Variants in VWA3B observed in about 807,000 individuals in gnomAD.
The protein encoded by VWA3B is von Willebrand factor A domain containing 3B.
VWA3B carries 138 observed loss-of-function variants against 158.3 expected under a neutral mutation model. The ratio of observed to expected loss-of-function variants is 0.87; its 90% CI spans 0.76 to 1.00. The LOEUF is 1.00. Ranked by LOEUF, VWA3B falls within the 50% of genes least tolerant of loss-of-function variation. The pLI is 0.00. For missense variants in VWA3B, 1,555 were observed against 1,565.1 expected, an observed-to-expected ratio of 0.99 and a Z score of 0.11; for synonymous variants, 596 against 587.3, an observed-to-expected ratio of 1.01 and a Z score of -0.21.
At chr2:98,153,253 AAATAT>A (rs1032897217) in intron 7 of VWA3B, among the ~76,000 whole-genome samples, 1 of 152,252 alleles carries the variant, frequency 6.6e-6, no homozygotes, top group Admixed American at 6.5e-5. Context: ...TCAAAAGAAT[AAATAT>A]TAGGTAATAG....
chr2:98,171,590 C>T lies in VWA3B; in HGVS notation c.1114+8614C>T, dbSNP rs141835278. On this transcript the variant is annotated intron_variant, in intron 8 of 27. Transcript: ENST00000477737. The stretch of plus-strand genomic sequence containing the variant: ...ACCCGATTGTGCTGGCTCTGGAGGC[C>T]GCGGTACAGGGGTTCACCCTCAATT... Among the ~76,000 whole-genome samples, 34 of 152,014 alleles carry T rather than the reference C, an allele frequency of 2.2e-4. 2 individuals carry two copies. The East Asian group carries it at 6.2e-3, about 28-fold the overall frequency.
intron 12 of VWA3B, among the ~76,000 whole-genome samples, chr2:98,196,403 G>C (rs943139262): frequency 1.3e-5 from 2 of 152,080 alleles, no homozygotes; most frequent in Non-Finnish European, 2.9e-5. Context: ...TCAATTAAAA[G>C]TAAATTAATT....
intron 20 of VWA3B, among the ~76,000 whole-genome samples, chr2:98,254,438 A>G (rs1193085851): frequency 6.6e-6 from 1 of 152,188 alleles, no homozygotes; most frequent in Non-Finnish European, 1.5e-5. Flanking sequence ...GATACCTAAA[A>G]TGCGTACTAT....
chr2:98,319,427 T>C, the VWA3B span, among the ~76,000 whole-genome samples: 441 of 152,210 alleles, frequency 2.9e-3, no homozygotes, highest in African/African-American at 0.01. Context: ...CTGGAGTCTG[T>C]AAAATACAAA....
intron 12 of VWA3B, among the ~76,000 whole-genome samples, chr2:98,195,600 C>G (rs1344907085): frequency 2.0e-5 from 3 of 151,506 alleles, no homozygotes; most frequent in Non-Finnish European, 4.4e-5. Context: ...TTTTTCTGTC[C>G]TTTTATGACA....
chr2:98,184,961 A>G (rs1327569472), intron 9 of VWA3B, among the ~76,000 whole-genome samples: 1 of 152,170 alleles, frequency 6.6e-6, no homozygotes, highest in African/African-American at 2.4e-5. Flanking sequence ...CATTGGCTCC[A>G]ACACCTGCTT....
chr2:98,256,256 T>C (rs1459754966), intron 21 of VWA3B, 82 bp downstream of exon 21: 1 of 1,431,460 alleles, frequency 7.0e-7, no homozygotes, highest in Admixed American at 2.1e-5. Flanking sequence ...AAGTGTACAA[T>C]GCAGAGGTAT....
In VWA3B at chr2:98,180,258, A is replaced by T. The variant is rs1302659469; in HGVS notation, c.1115-758A>T. 4.6e-5 allele frequency among the ~76,000 whole-genome samples: 7 copies of T among 150,804 alleles called. No individual in the cohort carries two copies. In the East Asian group the frequency reaches 7.8e-4, roughly 17 times the overall value. On this transcript the variant is annotated intron_variant, in intron 8 of 27. Transcript: ENST00000477737. ...TGCCCAGGCTGGAGCGCAGTGGTGC[A>T]TTCTCGGCTCACCGCAACCTCCGCC... is the stretch of plus-strand genomic sequence containing the variant.
chr2:98,303,899 G>T, intron 26 of VWA3B, 97 bp downstream of exon 26: 1 of 1,170,548 alleles, frequency 8.5e-7, no homozygotes, highest in African/African-American at 1.5e-5. Context: ...AAATACTAGG[G>T]AAGAAAAGTA....
chr2:98,205,788 T>A (rs553184369), intron 12 of VWA3B, among the ~76,000 whole-genome samples: 1 of 152,346 alleles, frequency 6.6e-6, no homozygotes, highest in East Asian at 1.9e-4. Context: ...GGCCATGAAT[T>A]ATTCAAAGCA....
rs187420836 is a variant in VWA3B at position 98,302,728 on chromosome 2, G to A, written c.3421-974G>A. Among the ~76,000 whole-genome samples, 530 of 152,310 alleles carry A rather than the reference G, an allele frequency of 3.5e-3. 3 individuals carry two copies. The highest frequency in any genetic ancestry group is 0.012 in the African/African-American group (515 of 41,556). The stretch of plus-strand genomic sequence containing the variant: ...GTAGGCATTCGAACACAGACAATCT[G>A]GCTCCATGGCCTACCCTCTAAACTA... On this transcript the variant is annotated intron_variant, in intron 25 of 27. Coordinates refer to ENST00000477737, the MANE Select transcript of VWA3B (RefSeq NM_144992.5).
intron 2 of VWA3B, among the ~76,000 whole-genome samples, chr2:98,101,037 G>T (rs1315922198): frequency 6.6e-6 from 1 of 152,136 alleles, no homozygotes; most frequent in African/African-American, 2.4e-5. Context: ...AAAATAAATA[G>T]AAGTTATTTG....
chr2:98,224,299 T>C (rs186399835), intron 14 of VWA3B, among the ~76,000 whole-genome samples: 239 of 152,208 alleles, frequency 1.6e-3, no homozygotes, highest in African/African-American at 5.4e-3. Flanking sequence ...TATGGGGAGA[T>C]ATAATAGATC....
intron 21 of VWA3B, among the ~76,000 whole-genome samples, chr2:98,259,529 A>T (rs142471068): frequency 5.8e-4 from 88 of 151,908 alleles, no homozygotes; most frequent in African/African-American, 2.0e-3. Flanking sequence ...TTTTTGGCAT[A>T]GAACTATTCA....
intron 21 of VWA3B, among the ~76,000 whole-genome samples, chr2:98,262,533 TC>T (rs919433208): frequency 6.6e-5 from 10 of 151,822 alleles, no homozygotes; most frequent in African/African-American, 2.4e-4. Flanking sequence ...CTGTCGTTTT[TC>T]CTTTGTGTAG....
chr2:98,133,765 ACAAG>A (rs1173978388), intron 6 of VWA3B, 55 bp from the exon 7 acceptor site: 2 of 1,457,800 alleles, frequency 1.4e-6, no homozygotes, highest in Admixed American at 3.4e-5. Context: ...AGGAGAAGGA[ACAAG>A]CATGCACGGA....
intron 21 of VWA3B, among the ~76,000 whole-genome samples, chr2:98,258,708 T>G (rs1226693347): frequency 6.6e-6 from 1 of 151,900 alleles, no homozygotes; most frequent in African/African-American, 2.4e-5. Context: ...TTTGCTGAAT[T>G]TATTGGTACT....
chr2:98,243,957 A>C (rs941761455), intron 19 of VWA3B, among the ~76,000 whole-genome samples: 8 of 152,224 alleles, frequency 5.3e-5, no homozygotes, highest in Non-Finnish European at 1.0e-4. Flanking sequence ...GTTGAAAAAC[A>C]GTGAAGTTGG....
intron 17 of VWA3B, among the ~76,000 whole-genome samples, chr2:98,235,088 G>A (rs1019841136): frequency 6.6e-6 from 1 of 151,948 alleles, no homozygotes; most frequent in African/African-American, 2.4e-5. Context: ...TTTCTTCAAT[G>A]GATGATGCTA....
Sources: gnomAD v4.1 joint callset for allele counts (sites outside exome capture counted in the v4.1 genomes callset) on GRCh38, gnomAD v4.1.1 for gene constraint, MANE v1.5 for transcripts, NCBI Gene and HGNC (gene_info 2026-07-23, HGNC 2026-07-21) for gene names.